PCDHA7: variants seen among roughly 807,000 people sequenced by gnomAD.
The protein encoded by PCDHA7 is protocadherin alpha 7.
Under a neutral mutation model 57.2 loss-of-function variants are expected in PCDHA7, and 37 were observed. The observed-to-expected ratio is 0.65, with a 90% confidence interval of 0.50 to 0.85. The LOEUF is 0.85. PCDHA7 is among the 40% of genes least tolerant of loss of function. PCDHA7 has a pLI of 0.00. For missense variants in PCDHA7, 1,188 were observed against 1,241.8 expected, an observed-to-expected ratio of 0.96 and a Z score of 0.65; for synonymous variants, 553 against 558.8, an observed-to-expected ratio of 0.99 and a Z score of 0.15.
In PCDHA7 at chr5:140,857,556, T is replaced by C. The variant is rs781993692; in HGVS notation, c.2355+20818T>C. ...GAGCGGCGGTTGGGCGAGCGCTCGC[T>C]GTCGAGCTACGTGTCGGTGCACGCG... On this transcript the variant is annotated intron_variant, in intron 1 of 3. Coordinates refer to ENST00000525929, the MANE Select transcript of PCDHA7 (RefSeq NM_018910.3). 6 of 1,596,822 alleles carry C rather than the reference T, an allele frequency of 3.8e-6. No homozygotes were observed. In the Admixed American group the frequency reaches 1.0e-4, roughly 27 times the overall value.
intron 1 of PCDHA7, among the ~76,000 whole-genome samples, chr5:140,890,753 C>A (rs1274674281): frequency 3.3e-5 from 5 of 152,114 alleles, no homozygotes; most frequent in Admixed American, 2.6e-4. Flanking sequence ...TTCTGTCATG[C>A]TTTAAAAATA....
intron 1 of PCDHA7, chr5:140,968,462 A>G: frequency 6.2e-7 from 1 of 1,614,104 alleles, no homozygotes; most frequent in African/African-American, 1.3e-5. Flanking sequence ...TGTGACTGCC[A>G]ACGTATATGT....
rs200360846 is a variant in PCDHA7, at chr5:140,842,668, C to T, written c.2355+5930C>T. On this transcript the variant is annotated intron_variant, in intron 1 of 3. Transcript: ENST00000525929. ...TGTCTGTGGAGGTGGCCGACGTGAA[C>T]GACAATGCTCCGGCGTTCGCGCAGC... 2.5e-4 allele frequency: 393 copies of T among 1,595,370 alleles called. 33 individuals carry two copies. Among genetic ancestry groups the T allele is most frequent in the South Asian group, 1.5e-4 (14 of 90,464 alleles).
intron 1 of PCDHA7, chr5:140,968,696 A>G (rs1554230980): frequency 6.2e-7 from 1 of 1,614,134 alleles, no homozygotes; most frequent in Non-Finnish European, 8.5e-7. Context: ...AGAAATTAGG[A>G]CTACCAGGAA....
intron 1 of PCDHA7, among the ~76,000 whole-genome samples, chr5:140,964,997 T>C (rs144251011): frequency 3.9e-5 from 6 of 152,316 alleles, no homozygotes; most frequent in African/African-American, 1.4e-4. Context: ...CTTTGAATTC[T>C]GGGTGTCAGG....
intron 1 of PCDHA7, among the ~76,000 whole-genome samples, chr5:140,895,055 A>T (rs1313066261): frequency 2.0e-5 from 3 of 152,118 alleles, no homozygotes; most frequent in Non-Finnish European, 4.4e-5. Flanking sequence ...ATTCTGCTTC[A>T]TATGGACTCA....
chr5:140,842,954 C>G, intron 1 of PCDHA7: 2 of 1,594,948 alleles, frequency 1.3e-6, no homozygotes. Flanking sequence ...CGTGCCGCCT[C>G]TGGGCAGCAA....
At chr5:140,860,395 G>C (rs1369632482) in intron 1 of PCDHA7, 2 of 151,922 alleles carry the variant, frequency 1.3e-5, no homozygotes, top group African/African-American at 4.8e-5. Context: ...ATTGAAAAAA[G>C]CAAAAGCAAT....
rs2150245985 is a variant in PCDHA7, at chr5:140,835,825, A to G, written c.1442A>G (p.Asp481Gly). ...CACATCTTCACTGTGTCGGCGGGGG[A>G]CGCGGACGCGCAGAAGAACGCGCTG... Reference protein sequence around the residue: ...GCHIFTVSAGDADAQKNALVS... With the variant: ...GCHIFTVSAGGADAQKNALVS... The change falls in exon 1 of 4, where the codon GAC becomes GGC. Residue 481 changes from aspartate to glycine, a missense_variant. By Grantham distance (94) the Asp-to-Gly change is moderately conservative. This residue lies in a region of PCDHA7 where 892 missense variants were observed against 788.5 expected (regional missense o/e 1.13). Coordinates refer to ENST00000525929, the MANE Select transcript of PCDHA7 (RefSeq NM_018910.3). 1.9e-6 allele frequency: 3 copies of G among 1,612,220 alleles called. No homozygotes were observed. The highest frequency in any genetic ancestry group is 1.3e-5 in the African/African-American group (1 of 74,862).
intron 1 of PCDHA7, among the ~76,000 whole-genome samples, chr5:140,962,807 C>T (rs1463442901): frequency 5.3e-5 from 8 of 152,220 alleles, no homozygotes; most frequent in Non-Finnish European, 1.0e-4. Flanking sequence ...CAACTCTAAA[C>T]ATCAGAGATG....
chr5:140,929,326 G>A, intron 1 of PCDHA7: 1 of 1,538,470 alleles, frequency 6.5e-7, no homozygotes. Context: ...CAATGCCATG[G>A]TAAGCAAATT....
In PCDHA7 at chr5:140,904,903, A is replaced by G. The variant is rs568713418; in HGVS notation, c.2355+68165A>G. On this transcript the variant is annotated intron_variant, in intron 1 of 3. Transcript: ENST00000525929. ...CTTTTTGATGGGATTTGTTTTTCTT[A>G]CTGATTTGTTTGACTTCCTTGTAGG... 9.4e-4 allele frequency among the ~76,000 whole-genome samples: 142 copies of G among 151,862 alleles called. 2 individuals carry two copies. The highest frequency in any genetic ancestry group is 2.9e-3 in the African/African-American group (122 of 41,438).
At chr5:140,866,828 T>C (rs1260647763) in intron 1 of PCDHA7, 1 of 152,140 alleles carries the variant, frequency 6.6e-6, no homozygotes, top group East Asian at 1.9e-4. Flanking sequence ...CTTCAATTGA[T>C]TTTACAAAAT....
chr5:140,843,294 C>T lies in PCDHA7; in HGVS notation c.2355+6556C>T, dbSNP rs2150356676. 4 of 1,595,870 alleles carry T rather than the reference C, an allele frequency of 2.5e-6. No homozygotes were observed. Among genetic ancestry groups the T allele is most frequent in the East Asian group, 4.5e-5 (2 of 44,826 alleles). ...CTGGTGAAGGATCATGGTGAACCTG[C>T]GCTGACCGCCACGGCCACGGTTCTG... On this transcript the variant is annotated intron_variant, in intron 1 of 3. Transcript: ENST00000525929.
intron 1 of PCDHA7, among the ~76,000 whole-genome samples, chr5:140,910,210 G>A (rs987095100): frequency 6.6e-6 from 1 of 152,120 alleles, no homozygotes; most frequent in Non-Finnish European, 1.5e-5. Context: ...ACTTGACCTG[G>A]AAGTTTTCTG....
At chr5:140,883,474 G>C in intron 1 of PCDHA7, 1 of 1,614,126 alleles carries the variant, frequency 6.2e-7, no homozygotes, top group Middle Eastern at 1.7e-4. Flanking sequence ...CCACCTACAA[G>C]AACTACTACT....
chr5:140,897,253 T>C (rs1481151592), intron 1 of PCDHA7, among the ~76,000 whole-genome samples: 1 of 151,928 alleles, frequency 6.6e-6, no homozygotes, highest in East Asian at 1.9e-4. Flanking sequence ...TACATATGTA[T>C]ACATGTGCCA....
intron 1 of PCDHA7, chr5:140,858,309 A>G (rs1276572732): frequency 7.5e-6 from 12 of 1,597,070 alleles, no homozygotes; most frequent in African/African-American, 1.3e-5. Context: ...CAGAGGCGGC[A>G]GAGGGTGTGT....
chr5:140,869,541 G>A (rs1554163213), intron 1 of PCDHA7: 1 of 1,614,204 alleles, frequency 6.2e-7, no homozygotes, highest in East Asian at 2.2e-5. Flanking sequence ...CGGAATCTAA[G>A]CAATCGGACT....
Sources: allele counts gnomAD v4.1 joint callset (sites outside exome capture counted in the v4.1 genomes callset), GRCh38; gene constraint gnomAD v4.1.1; regional missense constraint gnomAD v4.1.1; transcripts MANE v1.5; gene names NCBI Gene and HGNC (gene_info 2026-07-23, HGNC 2026-07-21).